Variants in TIAM2 observed in about 807,000 individuals in gnomAD.
TIAM2 encodes rho guanine nucleotide exchange factor TIAM2.
A neutral mutation model predicts 152.9 loss-of-function variants in TIAM2; 80 were observed. The observed-to-expected ratio is 0.52, with a 90% CI of 0.44 to 0.63. The LOEUF is 0.63. Among genes scored for constraint, TIAM2 ranks in the 30% least tolerant of loss-of-function variants. TIAM2 has a pLI of 0.00. For synonymous variants in TIAM2, 804 were observed against 838.0 expected (o/e 0.96, Z 0.70); for missense variants, 1,965 against 2,120.1 (o/e 0.93, Z 1.44).
intron 15 of TIAM2, among the ~76,000 whole-genome samples, chr6:155,232,381 CAT>C (rs1392695094): frequency 6.6e-6 from 1 of 152,176 alleles, no homozygotes; most frequent in Non-Finnish European, 1.5e-5. Flanking sequence ...GCAGCCTCCC[CAT>C]GCCTTCCAGA....
chr6:155,048,691 T>C (rs1777257484), intron 1 of TIAM2, among the ~76,000 whole-genome samples: 1 of 152,132 alleles, frequency 6.6e-6, no homozygotes, highest in Admixed American at 6.5e-5. Context: ...GAATTTGGTT[T>C]GAAATATTCC....
At chr6:155,114,036 A>ATATATATATATATAT in intron 2 of TIAM2, among the ~76,000 whole-genome samples, 81 of 34,876 alleles carry the variant, frequency 2.3e-3, no homozygotes, top group Admixed American at 3.9e-3. Context: ...ATATATATAT[A>ATATATATATATATAT]TTTTTTTTTT....
At chr6:155,038,917 A>G (rs1239230299) in intron 1 of TIAM2, among the ~76,000 whole-genome samples, 2 of 144,454 alleles carry the variant, frequency 1.4e-5, no homozygotes, top group Non-Finnish European at 3.0e-5. Context: ...ACTGCACTCC[A>G]GCCTGGGTGA....
chr6:155,198,192 G>T (rs1157057673), intron 14 of TIAM2, among the ~76,000 whole-genome samples: 1 of 152,180 alleles, frequency 6.6e-6, no homozygotes, highest in Non-Finnish European at 1.5e-5. Flanking sequence ...TATGAAAGTT[G>T]CCTTGCAATA....
At chr6:155,056,718 G>C (rs749761806) in intron 1 of TIAM2, among the ~76,000 whole-genome samples, 1 of 151,986 alleles carries the variant, frequency 6.6e-6, no homozygotes, top group Non-Finnish European at 1.5e-5. Context: ...TCCATATCCA[G>C]CTTCCCCTAT....
At chr6:155,256,086 C>A in intron 26 of TIAM2, 1 of 260,486 alleles carries the variant, frequency 3.8e-6, no homozygotes, top group South Asian at 5.6e-5. Context: ...TGAGAAGATG[C>A]ATAGGAATAT....
At chr6:155,185,894 C>A (rs1781031613) in intron 14 of TIAM2, among the ~76,000 whole-genome samples, 1 of 152,178 alleles carries the variant, frequency 6.6e-6, no homozygotes, top group South Asian at 2.1e-4. Context: ...AGTGATGTCG[C>A]CTGTGCTGGA....
intron 1 of TIAM2, among the ~76,000 whole-genome samples, chr6:155,029,200 G>A (rs182598732): frequency 1.0e-5 from 1 of 95,890 alleles, no homozygotes; most frequent in East Asian, 4.3e-4. Flanking sequence ...TACACTGTAT[G>A]TACTATGTGT....
At chr6:155,132,400 C>G (rs1365356993) in intron 4 of TIAM2, among the ~76,000 whole-genome samples, 2 of 151,708 alleles carry the variant, frequency 1.3e-5, no homozygotes, top group East Asian at 1.9e-4. Context: ...TCCACCACCC[C>G]CTCCTGTGCT....
At chr6:155,106,802 A>T (rs1405403639) in intron 2 of TIAM2, among the ~76,000 whole-genome samples, 1 of 152,252 alleles carries the variant, frequency 6.6e-6, no homozygotes. Flanking sequence ...ACAACAGCCC[A>T]GTCATGGGCG....
At chr6:155,028,214 TG>T (rs1776664516) in intron 1 of TIAM2, among the ~76,000 whole-genome samples, 1 of 126,324 alleles carries the variant, frequency 7.9e-6, no homozygotes, top group Non-Finnish European at 1.7e-5. Context: ...ATATATGTAC[TG>T]TGTTACATAT....
At position 155,028,952 on chromosome 6, in the gene TIAM2, TA is replaced by T. The variant is rs1433703164; in HGVS notation, c.-209+33461del. ...TATATACTATATATACTATGTTATA[TA>T]TACACTGTATGTACTATATATACTA... On this transcript the variant is annotated intron_variant, in intron 1 of 26. Coordinates refer to ENST00000682666, the MANE Select transcript of TIAM2 (RefSeq NM_012454.4). Among the ~76,000 whole-genome samples, 9 of 109,848 alleles carry T rather than the reference TA, an allele frequency of 8.2e-5. 1 individual carries two copies. Among genetic ancestry groups the T allele is most frequent in the African/African-American group, 3.2e-4 (8 of 25,280 alleles). The allele number at this position is 109,848 out of a possible 152,430, so 72.1% of individuals were successfully genotyped here.
At chr6:155,112,749 C>T (rs1295159922) in intron 2 of TIAM2, among the ~76,000 whole-genome samples, 1 of 152,154 alleles carries the variant, frequency 6.6e-6, no homozygotes, top group East Asian at 1.9e-4. Context: ...CTGCATTCTC[C>T]CATGGCTTTA....
chr6:155,075,961 C>CAT (rs1479748123), intron 1 of TIAM2, among the ~76,000 whole-genome samples: 1 of 152,166 alleles, frequency 6.6e-6, no homozygotes, highest in Non-Finnish European at 1.5e-5. Context: ...GAAGCAACAG[C>CAT]ATAGCATCCC....
intron 1 of TIAM2, among the ~76,000 whole-genome samples, chr6:155,030,971 C>T (rs1308500734): frequency 2.0e-5 from 3 of 152,136 alleles, no homozygotes; most frequent in Non-Finnish European, 4.4e-5. Flanking sequence ...TTTGAGAATG[C>T]GTTCATAGTT....
At chr6:155,172,665 T>TAGATAGATATATATAGATAG (rs1780629075) in intron 9 of TIAM2, among the ~76,000 whole-genome samples, 1 of 8,054 alleles carries the variant, frequency 1.2e-4, no homozygotes, top group African/African-American at 4.7e-4. Flanking sequence ...TATATATATA[T>TAGATAGATATATATAGATAG]ATATATATAT....
chr6:155,252,902 GT>G (rs760981958), intron 23 of TIAM2, 45 bp from the exon 24 acceptor site: 1 of 1,550,336 alleles, frequency 6.5e-7, no homozygotes, highest in Non-Finnish European at 8.9e-7. Flanking sequence ...TCCTCCCTCA[GT>G]GACAGCTTCC....
chr6:155,015,298 A>G (rs888937871), intron 1 of TIAM2, among the ~76,000 whole-genome samples: 3 of 152,144 alleles, frequency 2.0e-5, no homozygotes, highest in Non-Finnish European at 2.9e-5. Flanking sequence ...GGGTCAAGTC[A>G]AGGAGAGTTT....
Position 155,148,134 on chromosome 6 carries a change from A to G in TIAM2, c.1828A>G (p.Asn610Asp). 1 of 1,613,906 alleles carries G rather than the reference A, an allele frequency of 6.2e-7. No homozygotes were observed. The highest frequency in any genetic ancestry group is 8.5e-7 in the Non-Finnish European group (1 of 1,180,028). The change falls in exon 7 of 27, where the codon AAC becomes GAC. Residue 610 changes from asparagine (N) to aspartate (D), a missense_variant. Asn to Asp is a conservative substitution (Grantham distance 23). Around this residue, in one of 3 missense-constraint regions of TIAM2, gnomAD observed 1,025 missense variants for 1,119.4 expected, o/e 0.92. Coordinates refer to ENST00000682666, the MANE Select transcript of TIAM2 (RefSeq NM_012454.4). ...GGCCACCAGCCAGACAGATCTAGAAAACTGGGTCACTGCTGTACACTCTGC... is the reference window on the plus strand; with the variant it reads ...GGCCACCAGCCAGACAGATCTAGAAGACTGGGTCACTGCTGTACACTCTGC... The part of the protein sequence containing the change: ...FQATSQTDLE[N>D]WVTAVHSACA...
Sources: gnomAD v4.1 joint callset for allele counts (sites outside exome capture counted in the v4.1 genomes callset) on GRCh38, gnomAD v4.1.1 for gene constraint, gnomAD v4.1.1 regional missense constraint, MANE v1.5 for transcripts, NCBI Gene and HGNC (gene_info 2026-07-23, HGNC 2026-07-21) for gene names.